Variants in EPB41L3 observed in about 807,000 individuals in gnomAD.
EPB41L3 encodes erythrocyte membrane protein band 4.1 like 3, also known as band 4.1-like protein 3.
A neutral mutation model predicts 127.1 loss-of-function variants in EPB41L3; 57 were observed. The observed-to-expected ratio is 0.45, with a 90% CI of 0.36 to 0.56. The LOEUF (loss-of-function observed/expected upper bound fraction) is 0.56, where lower values mean the gene tolerates loss of function less well. EPB41L3 is among the 20% of genes least tolerant of loss of function. The pLI is 0.00. For missense variants in EPB41L3, 1,273 were observed against 1,372.2 expected (o/e 0.93, Z 1.14); for synonymous variants, 572 against 549.5 (o/e 1.04, Z -0.57).
At chr18:5,544,895 A>G (rs1598881041), upstream of EPB41L3, among the ~76,000 whole-genome samples, 2 of 152,202 alleles carry the variant, frequency 1.3e-5, no homozygotes, top group Admixed American at 6.5e-5. Context: ...CATCTCATGT[A>G]CCCCATAAAC....
chr18:5,428,107 T>C (rs1160129335), intron 9 of EPB41L3, among the ~76,000 whole-genome samples: 1 of 152,148 alleles, frequency 6.6e-6, no homozygotes. Flanking sequence ...AATTAACGTA[T>C]GCAGTAGGAA....
chr18:5,600,255 A>T (rs1461234827), intron 3 of EPB41L3, among the ~76,000 whole-genome samples: 1 of 152,192 alleles, frequency 6.6e-6, no homozygotes, highest in Non-Finnish European at 1.5e-5. Flanking sequence ...TTCTCTTGTC[A>T]TACTGCTAGA....
chr18:5,487,102 T>G (rs2148212909), intron 2 of EPB41L3, among the ~76,000 whole-genome samples: 1 of 152,118 alleles, frequency 6.6e-6, no homozygotes, highest in Middle Eastern at 3.4e-3. Context: ...AAGAATGAAT[T>G]TTTAGAAAGT....
intron 3 of EPB41L3, among the ~76,000 whole-genome samples, chr18:5,603,389 C>A (rs1599248714): frequency 6.6e-6 from 1 of 152,274 alleles, no homozygotes; most frequent in East Asian, 1.9e-4. Context: ...AGGCTCAGCC[C>A]TGGAACGGAA....
intron 3 of EPB41L3, among the ~76,000 whole-genome samples, chr18:5,450,596 T>C (rs980238289): frequency 1.3e-4 from 20 of 152,094 alleles, no homozygotes; most frequent in Middle Eastern, 3.4e-3. Context: ...CAAAAATACA[T>C]TCTTAGTTTA....
At chr18:5,426,519 G>A (rs544331119) in intron 9 of EPB41L3, among the ~76,000 whole-genome samples, 3 of 152,164 alleles carry the variant, frequency 2.0e-5, no homozygotes, top group South Asian at 2.1e-4. Flanking sequence ...TTTCTAAGTC[G>A]TTGAATTTCA....
intron 13 of EPB41L3, among the ~76,000 whole-genome samples, chr18:5,414,817 AAGG>A (rs2076599162): frequency 6.6e-6 from 1 of 152,172 alleles, no homozygotes; most frequent in Non-Finnish European, 1.5e-5. Context: ...GGCAGTGGGA[AAGG>A]AGAACAATTA....
chr18:5,595,380 G>C (rs558236085), intron 3 of EPB41L3, among the ~76,000 whole-genome samples: 1 of 152,272 alleles, frequency 6.6e-6, no homozygotes, highest in East Asian at 1.9e-4. Context: ...AGTCTGGGCT[G>C]TGCACGCCCT....
chr18:5,531,724 CCT>C, intron 1 of EPB41L3, among the ~76,000 whole-genome samples: 1 of 124,258 alleles, frequency 8.0e-6, no homozygotes, highest in African/African-American at 3.4e-5. Flanking sequence ...AGAACAAGAC[CCT>C]GTCTCAAAAA....
chr18:5,510,317 C>T (rs2092447450), intron 1 of EPB41L3, among the ~76,000 whole-genome samples: 1 of 152,184 alleles, frequency 6.6e-6, no homozygotes, highest in Non-Finnish European at 1.5e-5. Flanking sequence ...GGTATAGCAT[C>T]ATCCCTTACA....
chr18:5,471,402 G>A (rs1380843570), intron 3 of EPB41L3, among the ~76,000 whole-genome samples: 2 of 152,096 alleles, frequency 1.3e-5, no homozygotes, highest in Admixed American at 1.3e-4. Context: ...AAAACTCTCG[G>A]GAATCATGCT....
intron 9 of EPB41L3, among the ~76,000 whole-genome samples, chr18:5,425,970 C>T (rs1313954316): frequency 2.6e-5 from 4 of 152,142 alleles, no homozygotes; most frequent in South Asian, 2.1e-4. Flanking sequence ...ATCCTGCGTG[C>T]CCTTTCTGTA....
At chr18:5,406,990 T>C (rs752201786) in intron 15 of EPB41L3, 22 bp from the exon 16 acceptor site, 2 of 1,599,844 alleles carry the variant, frequency 1.3e-6, no homozygotes, top group Admixed American at 1.7e-5. Flanking sequence ...ACATAAAGTA[T>C]CCAACAGTCA....
chr18:5,515,560 ATTC>A (rs33949981), intron 1 of EPB41L3, among the ~76,000 whole-genome samples: 34,844 of 151,922 alleles, frequency 0.23, 4,252 homozygotes, highest in African/African-American at 0.31. Flanking sequence ...CTTTTACATA[ATTC>A]TTCTTCCCAG....
chr18:5,439,174 C>A (rs2080304966), intron 5 of EPB41L3, among the ~76,000 whole-genome samples: 1 of 152,030 alleles, frequency 6.6e-6, no homozygotes. Flanking sequence ...TGAAAAATTC[C>A]TCCCAGTCCC....
chr18:5,438,709 T>C (rs1020534113), intron 5 of EPB41L3, among the ~76,000 whole-genome samples: 4 of 152,230 alleles, frequency 2.6e-5, no homozygotes, highest in Admixed American at 6.5e-5. Context: ...TACTTGAATG[T>C]ATTTTCTGCA....
chr18:5,630,073 C>G (rs1163647841), upstream of EPB41L3, among the ~76,000 whole-genome samples: 5 of 152,288 alleles, frequency 3.3e-5, no homozygotes, highest in East Asian at 1.9e-4. Flanking sequence ...CCGGCTTCCG[C>G]GGCAGCTCCA....
chr18:5,565,975 A>G (rs957367211), intron 3 of EPB41L3, among the ~76,000 whole-genome samples: 1 of 152,110 alleles, frequency 6.6e-6, no homozygotes, highest in African/African-American at 2.4e-5. Flanking sequence ...CAAAATAATA[A>G]GAGCTATCTA....
At chr18:5,419,902 T>C (rs1318190271) in intron 11 of EPB41L3, 25 bp from the exon 12 acceptor site, 5 of 1,614,122 alleles carry the variant, frequency 3.1e-6, no homozygotes, top group Non-Finnish European at 4.2e-6. Context: ...GAATCCTTCA[T>C]GTATATTTCA....
Sources: allele counts gnomAD v4.1 joint callset (sites outside exome capture counted in the v4.1 genomes callset), GRCh38; gene constraint gnomAD v4.1.1; transcripts MANE v1.5; gene names NCBI Gene and HGNC (gene_info 2026-07-23, HGNC 2026-07-21).